The following CALN1 variants were observed in gnomAD, a reference collection of about 807,000 sequenced individuals.
CALN1 encodes the protein calcium-binding protein 8.
Under a neutral mutation model 30.6 loss-of-function variants are expected in CALN1, and 17 were observed. That is an observed-to-expected ratio of 0.56 (90% CI 0.38 to 0.83). CALN1 has a LOEUF of 0.83. Among genes scored for constraint, CALN1 ranks in the 40% least tolerant of loss-of-function variants. The probability of loss-of-function intolerance (pLI) is 0.00; values close to 1 mark genes in which losing one functional copy is unlikely to be tolerated. For missense variants in CALN1, 291 were observed against 354.9 expected (o/e 0.82, Z 1.45); for synonymous variants, 156 against 131.4 (o/e 1.19, Z -1.28).
chr7:71,825,491 A>T (rs1288033186), intron 5 of CALN1, among the ~76,000 whole-genome samples: 1 of 152,060 alleles, frequency 6.6e-6, no homozygotes, highest in Non-Finnish European at 1.5e-5. Flanking sequence ...GACATACCTG[A>T]GACTAGGTAA....
At chr7:72,260,127 A>C (rs1228860913) in intron 3 of CALN1, among the ~76,000 whole-genome samples, 1 of 152,212 alleles carries the variant, frequency 6.6e-6, no homozygotes, top group Non-Finnish European at 1.5e-5. Flanking sequence ...AGAGGCCAGG[A>C]GTGTGAGGCT....
At position 71,783,937 on chromosome 7, in the gene CALN1, C is replaced by T. The variant is rs968465406; in HGVS notation, c.*3838G>A. On this transcript the variant is annotated 3_prime_UTR_variant, in exon 7 of 7. Transcript: ENST00000395275. ...AGACTCATAAGACACATCTTGTTCT[C>T]TGCAAATAAAACACCCAGACATTTC... 3 of 152,218 alleles carry T rather than the reference C, an allele frequency of 2.0e-5. No homozygotes were observed. Among genetic ancestry groups the T allele is most frequent in the African/African-American group, 7.2e-5 (3 of 41,436 alleles). 9.4% of individuals were successfully genotyped at this position (152,218 alleles called of 1,614,324 possible).
intron 3 of CALN1, among the ~76,000 whole-genome samples, chr7:72,151,718 T>C (rs1212722849): frequency 6.6e-6 from 1 of 151,946 alleles, no homozygotes; most frequent in Non-Finnish European, 1.5e-5. Flanking sequence ...TTTGTTGTTG[T>C]TGTTGTTGTT....
At chr7:72,077,059 AT>A (rs1310121088) in intron 4 of CALN1, among the ~76,000 whole-genome samples, 18 of 151,916 alleles carry the variant, frequency 1.2e-4, no homozygotes, top group African/African-American at 4.4e-4. Context: ...TGATACACAA[AT>A]TTCTTTCCTT....
At chr7:72,186,888 T>A (rs1435100088) in intron 3 of CALN1, among the ~76,000 whole-genome samples, 1 of 41,128 alleles carries the variant, frequency 2.4e-5, no homozygotes, top group East Asian at 0.056. Context: ...TGCAGAGCTT[T>A]TTTTTTTTTT....
At chr7:71,811,170 T>C (rs1291638634) in intron 5 of CALN1, among the ~76,000 whole-genome samples, 3 of 152,076 alleles carry the variant, frequency 2.0e-5, no homozygotes, top group Non-Finnish European at 4.4e-5. Context: ...GTGCTAGGAT[T>C]ACAGGCCTGA....
At chr7:72,420,132 C>T (rs549551747) in intron 1 of CALN1, among the ~76,000 whole-genome samples, 2 of 152,162 alleles carry the variant, frequency 1.3e-5, no homozygotes, top group Admixed American at 6.5e-5. Context: ...TTCCTGCCCA[C>T]GAAGGGGCAA....
intron 2 of CALN1, among the ~76,000 whole-genome samples, chr7:72,304,679 G>A (rs529358173): frequency 6.6e-6 from 1 of 151,796 alleles, no homozygotes; most frequent in African/African-American, 2.4e-5. Context: ...CTTTCATTAG[G>A]TCAGGCCATA....
intron 5 of CALN1, among the ~76,000 whole-genome samples, chr7:71,934,879 C>CTT (rs1162655459): frequency 2.6e-5 from 4 of 152,178 alleles, no homozygotes; most frequent in African/African-American, 9.7e-5. Context: ...AGAGAGAGAA[C>CTT]TTGTGCAGGA....
intron 2 of CALN1, among the ~76,000 whole-genome samples, chr7:72,319,209 C>T (rs1562881334): frequency 6.6e-6 from 1 of 152,114 alleles, no homozygotes; most frequent in Non-Finnish European, 1.5e-5. Context: ...CGTTTTCATG[C>T]TGCTGATAAA....
At chr7:72,493,339 CT>C in the CALN1 span, among the ~76,000 whole-genome samples, 117 of 145,840 alleles carry the variant, frequency 8.0e-4, no homozygotes, top group African/African-American at 1.2e-3. Flanking sequence ...ATCAATTATT[CT>C]TTTTTTTTTT....
At chr7:72,486,314 G>C in the CALN1 span, among the ~76,000 whole-genome samples, 1 of 152,076 alleles carries the variant, frequency 6.6e-6, no homozygotes, top group Non-Finnish European at 1.5e-5. Flanking sequence ...CAATAAAAAG[G>C]CTGTAGTAAT....
intron 3 of CALN1, among the ~76,000 whole-genome samples, chr7:72,128,271 T>A (rs1563081617): frequency 6.6e-6 from 1 of 152,124 alleles, no homozygotes; most frequent in Non-Finnish European, 1.5e-5. Flanking sequence ...GTAGAAAGAT[T>A]AGAAATTGGT....
At chr7:71,861,373 CA>C (rs1791267554) in intron 5 of CALN1, among the ~76,000 whole-genome samples, 1 of 152,146 alleles carries the variant, frequency 6.6e-6, no homozygotes, top group Non-Finnish European at 1.5e-5. Context: ...CTTGTCCTTA[CA>C]AAATCTCTTT....
intron 5 of CALN1, among the ~76,000 whole-genome samples, chr7:71,953,285 T>C (rs1045798890): frequency 3.3e-5 from 5 of 152,160 alleles, no homozygotes; most frequent in South Asian, 4.1e-4. Context: ...TCTTAATCTG[T>C]TGGTGCCCAC....
chr7:72,341,422 C>A (rs1802379177), intron 2 of CALN1, among the ~76,000 whole-genome samples: 1 of 152,178 alleles, frequency 6.6e-6, no homozygotes. Context: ...ACTTTGGAGG[C>A]TGAGGCACAA....
intron 5 of CALN1, among the ~76,000 whole-genome samples, chr7:71,930,788 C>T (rs752591766): frequency 3.3e-5 from 5 of 152,190 alleles, no homozygotes; most frequent in African/African-American, 4.8e-5. Context: ...CTCTTCTGCG[C>T]TTCTCACATG....
chr7:71,996,203 C>T (rs1446750334), intron 5 of CALN1, among the ~76,000 whole-genome samples: 1 of 152,106 alleles, frequency 6.6e-6, no homozygotes, highest in Non-Finnish European at 1.5e-5. Context: ...TAACTGCCTA[C>T]TAAAAGAAAA....
chr7:72,210,906 A>G (rs1295254810), intron 3 of CALN1, among the ~76,000 whole-genome samples: 1 of 151,750 alleles, frequency 6.6e-6, no homozygotes, highest in Non-Finnish European at 1.5e-5. Flanking sequence ...TAAAAAAAAA[A>G]TTAGCTGGGA....
Sources: allele counts gnomAD v4.1 joint callset (sites outside exome capture counted in the v4.1 genomes callset), GRCh38; gene constraint gnomAD v4.1.1; transcripts MANE v1.5; gene names NCBI Gene and HGNC (gene_info 2026-07-23, HGNC 2026-07-21).